The following ELOVL4 variants were observed in gnomAD, a reference collection of about 807,000 sequenced individuals.
The protein encoded by ELOVL4 is very long chain fatty acid elongase 4.
In ELOVL4, 18 loss-of-function variants were observed where a neutral mutation model predicts 42.1. The ratio of observed to expected loss-of-function variants is 0.43; its 90% CI spans 0.30 to 0.63. The LOEUF (loss-of-function observed/expected upper bound fraction) is 0.63, where lower values mean the gene tolerates loss of function less well. Among genes scored for constraint, ELOVL4 ranks in the 30% least tolerant of loss-of-function variants. ELOVL4 has a pLI of 0.15. For synonymous variants in ELOVL4, 117 were observed against 127.0 expected (o/e 0.92, Z 0.53); for missense variants, 299 against 376.2 (o/e 0.79, Z 1.70).
chr6:79,947,028 C>A (rs78496216), intron 1 of ELOVL4, 152 bp downstream of exon 1: 4 of 676,230 alleles, frequency 5.9e-6, no homozygotes, highest in Admixed American at 2.2e-5. Flanking sequence ...AGTGCTCAAC[C>A]GCAGTGCCCG....
intron 1 of ELOVL4, among the ~76,000 whole-genome samples, chr6:79,943,309 T>A (rs960585158): frequency 1.3e-5 from 2 of 152,118 alleles, no homozygotes; most frequent in African/African-American, 4.8e-5. Flanking sequence ...CCCAGCTTCA[T>A]CAAACCTGGA....
At chr6:79,943,323 C>G (rs74798486) in intron 1 of ELOVL4, among the ~76,000 whole-genome samples, 49 of 152,248 alleles carry the variant, frequency 3.2e-4, no homozygotes, top group Non-Finnish European at 5.4e-4. Context: ...ACCTGGATGA[C>G]TCACTGGCCT....
chr6:79,931,814 T>TA (rs1393090820), intron 1 of ELOVL4, among the ~76,000 whole-genome samples: 1 of 152,240 alleles, frequency 6.6e-6, no homozygotes, highest in Non-Finnish European at 1.5e-5. Flanking sequence ...TATAGGAAAG[T>TA]AAATTTCACC....
intron 1 of ELOVL4, among the ~76,000 whole-genome samples, chr6:79,929,056 C>A (rs1299345958): frequency 6.6e-6 from 1 of 151,080 alleles, no homozygotes; most frequent in Non-Finnish European, 1.5e-5. Flanking sequence ...TGCATAGGAC[C>A]TTAGGAGCAC....
chr6:79,930,605 C>T (rs1436073037), intron 1 of ELOVL4, among the ~76,000 whole-genome samples: 2 of 152,080 alleles, frequency 1.3e-5, no homozygotes, highest in Non-Finnish European at 2.9e-5. Flanking sequence ...CACAATAGTG[C>T]CATACAACGA....
At chr6:79,922,001 T>C (rs550475226) in intron 3 of ELOVL4, among the ~76,000 whole-genome samples, 5 of 152,360 alleles carry the variant, frequency 3.3e-5, no homozygotes, top group South Asian at 2.1e-4. Context: ...GCTCTATCTA[T>C]ACAGTGCCAA....
chr6:79,943,828 A>T (rs1489936698), intron 1 of ELOVL4, among the ~76,000 whole-genome samples: 2 of 152,254 alleles, frequency 1.3e-5, no homozygotes, highest in East Asian at 1.9e-4. Context: ...TGTACCACTC[A>T]TCCCTTCTTT....
intron 1 of ELOVL4, among the ~76,000 whole-genome samples, chr6:79,927,311 T>C (rs891079284): frequency 3.9e-5 from 6 of 152,114 alleles, no homozygotes; most frequent in African/African-American, 1.4e-4. Flanking sequence ...AGGTTGCAAA[T>C]CTAATTTCTA....
chr6:79,930,608 TACA>T (rs761243332), intron 1 of ELOVL4, among the ~76,000 whole-genome samples: 6 of 152,182 alleles, frequency 3.9e-5, no homozygotes, highest in Non-Finnish European at 8.8e-5. Context: ...AATAGTGCCA[TACA>T]ACGATATGAA....
intron 1 of ELOVL4, 107 bp from the exon 2 acceptor site, chr6:79,926,488 A>T: frequency 8.9e-7 from 1 of 1,118,704 alleles, no homozygotes; most frequent in Non-Finnish European, 1.3e-6. Context: ...ATTTGACTAA[A>T]TACGGATCAC....
chr6:79,941,364 C>T (rs1377434104), intron 1 of ELOVL4, among the ~76,000 whole-genome samples: 1 of 152,120 alleles, frequency 6.6e-6, no homozygotes, highest in Non-Finnish European at 1.5e-5. Flanking sequence ...ATTCACTATA[C>T]CACACTGCCC....
chr6:79,936,917 G>T (rs537997248), intron 1 of ELOVL4, among the ~76,000 whole-genome samples: 3 of 152,326 alleles, frequency 2.0e-5, no homozygotes, highest in South Asian at 2.1e-4. Flanking sequence ...AGCATGATTA[G>T]CAGGGAAAAT....
intron 1 of ELOVL4, among the ~76,000 whole-genome samples, chr6:79,944,834 C>T (rs1190172044): frequency 6.6e-6 from 1 of 151,984 alleles, no homozygotes. Context: ...TCTTTCTATC[C>T]CGCCCATTTC....
At chr6:79,926,171 T>C (rs147637562) in intron 2 of ELOVL4, 23 bp downstream of exon 2, 1 of 1,597,490 alleles carries the variant, frequency 6.3e-7, no homozygotes, top group East Asian at 2.2e-5. Flanking sequence ...TGGAAAATTA[T>C]TAAAGTGATC....
intron 4 of ELOVL4, among the ~76,000 whole-genome samples, chr6:79,921,412 G>A (rs947460967): frequency 1.6e-5 from 2 of 124,544 alleles, no homozygotes; most frequent in African/African-American, 6.1e-5. Flanking sequence ...AGTGAGCCGA[G>A]ATCGCGCCAC....
At chr6:79,930,730 A>G (rs1409779171) in intron 1 of ELOVL4, among the ~76,000 whole-genome samples, 1 of 152,186 alleles carries the variant, frequency 6.6e-6, no homozygotes, top group Admixed American at 6.6e-5. Flanking sequence ...ATTTTATGTA[A>G]ACTTTAAATA....
intron 1 of ELOVL4, among the ~76,000 whole-genome samples, chr6:79,929,034 G>A (rs1357912460): frequency 2.0e-5 from 3 of 151,790 alleles, no homozygotes; most frequent in African/African-American, 7.3e-5. Flanking sequence ...TCTAACACTG[G>A]CTCTGCTACT....
chr6:79,930,610 C>T (rs978940219), intron 1 of ELOVL4, among the ~76,000 whole-genome samples: 1 of 152,048 alleles, frequency 6.6e-6, no homozygotes, highest in Admixed American at 6.6e-5. Flanking sequence ...TAGTGCCATA[C>T]AACGATATGA....
At chr6:79,943,136 T>C (rs1411584141) in intron 1 of ELOVL4, among the ~76,000 whole-genome samples, 1 of 152,014 alleles carries the variant, frequency 6.6e-6, no homozygotes, top group East Asian at 1.9e-4. Context: ...GATAATAACA[T>C]AGATGAAAAA....
Sources: gnomAD v4.1 joint callset for allele counts (sites outside exome capture counted in the v4.1 genomes callset) on GRCh38, gnomAD v4.1.1 for gene constraint, MANE v1.5 for transcripts, NCBI Gene and HGNC (gene_info 2026-07-23, HGNC 2026-07-21) for gene names.